Variants in CDK12 observed in about 807,000 individuals in gnomAD.
CDK12 encodes cyclin-dependent kinase 12.
CDK12 carries 17 observed loss-of-function variants against 133.8 expected under a neutral mutation model. The ratio of observed to expected loss-of-function variants is 0.13; its 90% CI spans 0.09 to 0.19. CDK12 has a LOEUF of 0.19. Ranked by LOEUF, CDK12 falls within the 10% of genes least tolerant of loss-of-function variation. The pLI is 1.00. For missense variants in CDK12, 1,508 were observed against 1,818.7 expected (o/e 0.83, Z 3.11); for synonymous variants, 694 against 683.6 (o/e 1.02, Z -0.24).
intron 10 of CDK12, 108 bp downstream of exon 10, chr17:39,517,664 C>A (rs1301746666): frequency 4.5e-6 from 3 of 669,754 alleles, no homozygotes; most frequent in Non-Finnish European, 8.0e-6. Flanking sequence ...CATGGCAACA[C>A]AGTGTAGGAA....
intron 4 of CDK12, among the ~76,000 whole-genome samples, chr17:39,494,114 A>C (rs1028846865): frequency 6.6e-6 from 1 of 152,040 alleles, no homozygotes; most frequent in African/African-American, 2.4e-5. Context: ...GTGGAGTGCA[A>C]TGATGCGATC....
intron 2 of CDK12, among the ~76,000 whole-genome samples, chr17:39,482,599 ATTTTTT>A (rs71147345): frequency 1.3e-5 from 1 of 74,392 alleles, no homozygotes; most frequent in African/African-American, 4.3e-5. Context: ...AATCAACTAC[ATTTTTT>A]TTTTTTTTTT....
At chr17:39,504,889 A>AAAAC (rs1408945462) in intron 6 of CDK12, among the ~76,000 whole-genome samples, 3 of 150,280 alleles carry the variant, frequency 2.0e-5, no homozygotes, top group Non-Finnish European at 4.4e-5. Flanking sequence ...CAAAAAAAAA[A>AAAAC]AAAAAAAAAA....
chr17:39,561,137 C>T (rs1366372055), intron 3 of CDK12, among the ~76,000 whole-genome samples: 1 of 152,162 alleles, frequency 6.6e-6, no homozygotes, highest in Non-Finnish European at 1.5e-5. Flanking sequence ...TATCCAGACA[C>T]CTGAGACCTG....
Position 39,525,979 on chromosome 17 carries a change from C to T in CDK12, c.3423C>T (p.His1141=), listed in dbSNP as rs1391730085. The T allele has an allele frequency of 6.2e-7, 1 of 1,614,218 alleles. No homozygotes were observed. The highest frequency in any genetic ancestry group is 2.2e-5 in the East Asian group (1 of 44,884). The change falls in exon 13 of 14, where the codon CAC becomes CAT. Residue 1141 remains histidine (H), a synonymous_variant. Transcript: ENST00000447079. Reference sequence around the variant, plus strand: ...AAATGGCACAGCTGCTTAACATCCACTCCAACCCAGAGATGCAGCAGCAGC... The same window carrying T: ...AAATGGCACAGCTGCTTAACATCCATTCCAACCCAGAGATGCAGCAGCAGC... ...IPQMAQLLNI[H]SNPEMQQQLE... is the part of the protein sequence containing the mutation.
upstream of CDK12, chr17:39,548,980 C>T (rs534077760): frequency 6.6e-6 from 1 of 152,412 alleles, no homozygotes; most frequent in East Asian, 1.9e-4. Flanking sequence ...TGGCGCTCCC[C>T]CCAGCACCCC....
chr17:39,527,159 C>T (rs1188720503), intron 13 of CDK12, among the ~76,000 whole-genome samples: 1 of 152,240 alleles, frequency 6.6e-6, no homozygotes, highest in African/African-American at 2.4e-5. Context: ...GGCTCGAGGG[C>T]TGAAGAGATA....
chr17:39,494,952 T>C (rs1182066106), intron 5 of CDK12, among the ~76,000 whole-genome samples: 1 of 151,994 alleles, frequency 6.6e-6, no homozygotes, highest in African/African-American at 2.4e-5. Context: ...TGTATTTTTT[T>C]AGTAGAGGCG....
At chr17:39,467,630 ATGC>A (rs2049445674) in intron 1 of CDK12, among the ~76,000 whole-genome samples, 1 of 152,180 alleles carries the variant, frequency 6.6e-6, no homozygotes, top group Non-Finnish European at 1.5e-5. Flanking sequence ...AGATTTGGTC[ATGC>A]TGACTAAAAC....
downstream of CDK12, among the ~76,000 whole-genome samples, chr17:39,566,009 G>A (rs2056562104): frequency 6.6e-6 from 1 of 152,104 alleles, no homozygotes; most frequent in Admixed American, 6.5e-5. Context: ...CTTGGATTTA[G>A]TCACTTCTCC....
In CDK12 at chr17:39,530,702, T is replaced by G. The variant is rs587778179; in HGVS notation, c.3859T>G (p.Ser1287Ala). ...ACCCCCTCTGGTTGAAGGCGATCTT[T>G]CCAGCGCCCCCCAGGAGTTGAACCC... ...PPPPLVEGDL[S>A]SAPQELNPAV... Residue 1287 changes from serine (S) to alanine (A), a missense_variant, in exon 14 of 14, where the codon TCC (serine) becomes GCC (alanine). Coordinates refer to ENST00000447079, the MANE Select transcript of CDK12 (RefSeq NM_016507.4). 6.2e-7 allele frequency: 1 copy of G among 1,613,772 alleles called. No homozygotes were observed. Among genetic ancestry groups the G allele is most frequent in the African/African-American group, 1.3e-5 (1 of 74,832 alleles).
At chr17:39,517,588 T>C (rs1280005011) in intron 10 of CDK12, 32 bp downstream of exon 10, 1 of 1,324,586 alleles carries the variant, frequency 7.5e-7, no homozygotes, top group East Asian at 2.3e-5. Context: ...ATCTCGTTTC[T>C]GTGTCTGGCT....
Position 39,512,607 on chromosome 17 carries a change from T to G in CDK12, c.2768+977T>G, listed in dbSNP as rs554776105. ...TACATAATACGTAATTGTCTTTTTT[T>G]GGGATGTTAACAGTTACTTGGCCAT... On this transcript the variant is annotated intron_variant, in intron 8 of 13. Coordinates refer to ENST00000447079, the MANE Select transcript of CDK12 (RefSeq NM_016507.4). 8.7e-4 allele frequency among the ~76,000 whole-genome samples: 133 copies of G among 152,342 alleles called. 1 individual carries two copies. The highest frequency in any genetic ancestry group is 1.4e-3 in the Non-Finnish European group (95 of 68,034).
rs2146377035 is a variant in CDK12 at position 39,511,627 on chromosome 17, G to C, written c.2765G>C (p.Cys922Ser). 2 of 1,602,110 alleles carry C rather than the reference G, an allele frequency of 1.2e-6. No individual in the cohort carries two copies. Among genetic ancestry groups the C allele is most frequent in the Non-Finnish European group, 1.7e-6 (2 of 1,170,430 alleles). Residue 922 changes from cysteine (C) to serine (S), a missense_variant, in exon 8 of 14, where the codon TGT becomes TCT. Around this residue, in one of 9 missense-constraint regions of CDK12, gnomAD observed 82 missense variants for 201.5 expected, o/e 0.41. Coordinates refer to ENST00000447079, the MANE Select transcript of CDK12 (RefSeq NM_016507.4). ...RYTPAIDVWS[C>S]GCILGELFTK... ...ACACCAGCCATAGATGTTTGGAGCTGTGGGTAAGGTTCTGTTAACTTTTTC... is the reference window on the plus strand; with the variant it reads ...ACACCAGCCATAGATGTTTGGAGCTCTGGGTAAGGTTCTGTTAACTTTTTC...
chr17:39,514,576 A>G (rs1317143499), intron 8 of CDK12, among the ~76,000 whole-genome samples: 1 of 152,130 alleles, frequency 6.6e-6, no homozygotes, highest in Non-Finnish European at 1.5e-5. Context: ...CCTGGCTTCA[A>G]GTGATCCTCC....
chr17:39,479,810 A>C (rs2050493490), intron 2 of CDK12, among the ~76,000 whole-genome samples: 1 of 151,900 alleles, frequency 6.6e-6, no homozygotes, highest in African/African-American at 2.4e-5. Context: ...TATTTTTAGT[A>C]GAGACAGGGT....
chr17:39,481,620 TGCTCGCTCGCGCGC>T (rs1400392486), intron 2 of CDK12, among the ~76,000 whole-genome samples: 26 of 137,638 alleles, frequency 1.9e-4, no homozygotes, highest in African/African-American at 7.4e-4. Flanking sequence ...CTTATGTGCT[TGCTCGCTCGCGCGC>T]TCTCTCTCTC....
At chr17:39,491,077 C>T (rs1345363744) in intron 3 of CDK12, among the ~76,000 whole-genome samples, 1 of 151,922 alleles carries the variant, frequency 6.6e-6, no homozygotes, top group African/African-American at 2.4e-5. Flanking sequence ...TACACATTAA[C>T]CAAAAATTAA....
intron 2 of CDK12, among the ~76,000 whole-genome samples, chr17:39,489,292 A>G (rs962360011): frequency 6.6e-6 from 1 of 151,454 alleles, no homozygotes; most frequent in Non-Finnish European, 1.5e-5. Context: ...CTGGTCTCGA[A>G]CTCCTGAGTT....
Sources: gnomAD v4.1 joint callset for allele counts (sites outside exome capture counted in the v4.1 genomes callset) on GRCh38, gnomAD v4.1.1 for gene constraint, gnomAD v4.1.1 regional missense constraint, MANE v1.5 for transcripts, NCBI Gene and HGNC (gene_info 2026-07-23, HGNC 2026-07-21) for gene names.